The following SPINDOC variants were observed in gnomAD, a reference collection of about 807,000 sequenced individuals.
SPINDOC encodes the protein spindlin interactor and repressor of chromatin binding.
Under a neutral mutation model 30.7 loss-of-function variants are expected in SPINDOC, and 13 were observed. The ratio of observed to expected loss-of-function variants is 0.42; its 90% CI spans 0.28 to 0.67. The LOEUF is 0.67. Among genes scored for constraint, SPINDOC ranks in the 30% least tolerant of loss-of-function variants. The pLI, the probability that SPINDOC is intolerant of heterozygous loss-of-function variation, is 0.22. For missense variants in SPINDOC, 438 were observed against 518.0 expected, an observed-to-expected ratio of 0.85 and a Z score of 1.50; for synonymous variants, 228 against 211.4, an observed-to-expected ratio of 1.08 and a Z score of -0.68.
Position 63,813,589 on chromosome 11 carries a change from C to T in SPINDOC, c.-98C>T, listed in dbSNP as rs2015252922. On this transcript the variant is annotated 5_prime_UTR_variant, in exon 1 of 6. Coordinates refer to ENST00000294244, the MANE Select transcript of SPINDOC (RefSeq NM_138471.3). ...GGCTGCGCGGGGCGGGCGGCGGGCC[C>T]GGCGCTATTCCGGCCAGGAGGCGGG... 7.1e-6 allele frequency: 8 copies of T among 1,119,580 alleles called. No individual in the cohort carries two copies. Among genetic ancestry groups the T allele is most frequent in the Non-Finnish European group, 8.9e-6 (8 of 897,030 alleles). The allele number at this position is 1,119,580 out of a possible 1,614,324, so 69.4% of individuals were successfully genotyped here. A position where few individuals can be genotyped will look rare whatever the true frequency, so the allele number is the denominator to read the frequency against.
Position 63,814,340 on chromosome 11 carries a change from C to T in SPINDOC, c.127+527C>T, listed in dbSNP as rs1400478134. Among the ~76,000 whole-genome samples, 3 of 152,292 alleles carry T rather than the reference C, an allele frequency of 2.0e-5. No homozygotes were observed. The East Asian group carries it at 5.8e-4, about 29-fold the overall frequency. On this transcript the variant is annotated intron_variant, in intron 1 of 5. Transcript: ENST00000294244. ...CCCACCACCCCGCTTCATTCCCATT[C>T]CCGGGCCTTCCACTTGCAGGAGCCA...
At chr11:63,814,795 C>T (rs2135131587) in intron 1 of SPINDOC, among the ~76,000 whole-genome samples, 1 of 152,228 alleles carries the variant, frequency 6.6e-6, no homozygotes, top group Non-Finnish European at 1.5e-5. Flanking sequence ...GCATTTAGTC[C>T]AAAAGATAGG....
At chr11:63,819,960 G>A (rs538297629) in intron 5 of SPINDOC, among the ~76,000 whole-genome samples, 2 of 152,314 alleles carry the variant, frequency 1.3e-5, no homozygotes, top group South Asian at 4.1e-4. Context: ...GGCCCAGATG[G>A]GGCCACTCAG....
chr11:63,819,369 C>G (rs2015446708), intron 5 of SPINDOC, among the ~76,000 whole-genome samples: 1 of 151,968 alleles, frequency 6.6e-6, no homozygotes, highest in African/African-American at 2.4e-5. Context: ...CGCCACCATA[C>G]CCGGCTAATT....
intron 5 of SPINDOC, among the ~76,000 whole-genome samples, chr11:63,824,057 G>A (rs762537691): frequency 4.0e-5 from 6 of 151,840 alleles, no homozygotes; most frequent in South Asian, 2.1e-4. Context: ...ACAGGCGTGC[G>A]CCACCACGCC....
Position 63,818,070 on chromosome 11 carries a change from C to A in SPINDOC, c.393C>A (p.Ala131=). 4 of 1,614,168 alleles carry A rather than the reference C, an allele frequency of 2.5e-6. No homozygotes were observed. The highest frequency in any genetic ancestry group is 3.4e-6 in the Non-Finnish European group (4 of 1,180,036). Residue 131 remains alanine (A), a synonymous_variant, in exon 2 of 6, where the codon GCC becomes GCA. Transcript: ENST00000294244. The surrounding 1 kb of genome is among the most constrained non-coding windows in gnomAD (Gnocchi z 5.3). ...CTGAGAAGAGCAATATCCTGGAGGC[C>A]TGGAGTGAAGGGGTGGCCCTCTTGC... is the stretch of plus-strand genomic sequence containing the variant. ...SPSEKSNILE[A]WSEGVALLQD...
rs2015677821 is a variant in SPINDOC at position 63,827,269 on chromosome 11, G to T, written c.*130G>T. 6.9e-7 allele frequency: 1 copy of T among 1,444,908 alleles called. No individual in the cohort carries two copies. 89.5% of individuals were successfully genotyped at this position (1,444,908 alleles called of 1,614,324 possible). Reference sequence around the variant, plus strand: ...GGTGCCAGGGCAGGAGGGGGCTGGGGCAGCATCCACTGTTATTTCGGGGCA... The same window carrying T: ...GGTGCCAGGGCAGGAGGGGGCTGGGTCAGCATCCACTGTTATTTCGGGGCA... On this transcript the variant is annotated 3_prime_UTR_variant, in exon 6 of 6. Transcript: ENST00000294244.
chr11:63,819,081 A>C, intron 5 of SPINDOC, 79 bp downstream of exon 5: 1 of 457,630 alleles, frequency 2.2e-6, no homozygotes, highest in Non-Finnish European at 3.7e-6. Context: ...AGGCTGCTCT[A>C]TGGCAGAGCC....
At position 63,813,529 on chromosome 11, in the gene SPINDOC, CCGGCCGGCGAG is replaced by C. The variant is rs1244742692; in HGVS notation, c.-153_-143del. 33 of 539,136 alleles carry C rather than the reference CCGGCCGGCGAG, an allele frequency of 6.1e-5. No homozygotes were observed. The South Asian group carries it at 2.1e-3, about 35-fold the overall frequency. 33.4% of individuals were successfully genotyped at this position (539,136 alleles called of 1,614,324 possible). A position where few individuals can be genotyped will look rare whatever the true frequency, so the allele number is the denominator to read the frequency against. On this transcript the variant is annotated 5_prime_UTR_variant, in exon 1 of 6. Coordinates refer to ENST00000294244, the MANE Select transcript of SPINDOC (RefSeq NM_138471.3). Reference sequence around the variant, plus strand: ...AGGCCCGGACGCGCCGGTCGCAGGCCCGGCCGGCGAGCGGCGGGCGGGCGGCGGGGAGGGGG... The same window carrying C: ...AGGCCCGGACGCGCCGGTCGCAGGCCCGGCGGGCGGGCGGCGGGGAGGGGG...
intron 1 of SPINDOC, among the ~76,000 whole-genome samples, chr11:63,815,118 G>T (rs2015304340): frequency 6.6e-6 from 1 of 152,204 alleles, no homozygotes; most frequent in Non-Finnish European, 1.5e-5. Context: ...ATGGTTCAGA[G>T]ATCACTAAAG....
In SPINDOC at chr11:63,818,559, C is replaced by T. The variant is rs2015415314; in HGVS notation, c.640C>T (p.Pro214Ser). Residue 214 changes from proline (P) to serine (S), a missense_variant, in exon 4 of 6, where the codon CCC becomes TCC. Coordinates refer to ENST00000294244, the MANE Select transcript of SPINDOC (RefSeq NM_138471.3). The surrounding 1 kb of genome is among the most constrained non-coding windows in gnomAD (Gnocchi z 5.3). ...TGCCACAGAGCCAGGAAATAAGAAG[C>T]CCCGTGGTCAGAGATGGAAGGAACC... The part of the protein sequence containing the change: ...VPATEPGNKK[P>S]RGQRWKEPPG... 2 of 1,613,180 alleles carry T rather than the reference C, an allele frequency of 1.2e-6. No individual in the cohort carries two copies. The highest frequency in any genetic ancestry group is 1.7e-6 in the Non-Finnish European group (2 of 1,180,024).
intron 1 of SPINDOC, among the ~76,000 whole-genome samples, chr11:63,814,687 G>T (rs1474893724): frequency 6.6e-6 from 1 of 152,182 alleles, no homozygotes; most frequent in African/African-American, 2.4e-5. Flanking sequence ...AACTTCAGCC[G>T]AACAGAATGA....
At chr11:63,813,862 C>T in intron 1 of SPINDOC, 49 bp downstream of exon 1, 1 of 1,451,216 alleles carries the variant, frequency 6.9e-7, no homozygotes, top group African/African-American at 1.5e-5. Flanking sequence ...GGGGCCGGGG[C>T]TGGGGCCGTC....
chr11:63,816,198 C>T (rs1344752738), intron 1 of SPINDOC, among the ~76,000 whole-genome samples: 1 of 151,986 alleles, frequency 6.6e-6, no homozygotes, highest in East Asian at 1.9e-4. Flanking sequence ...GGGAGATGGT[C>T]TTCAGCAACA....
intron 1 of SPINDOC, among the ~76,000 whole-genome samples, chr11:63,816,341 A>G (rs1042741924): frequency 1.3e-5 from 2 of 152,180 alleles, no homozygotes; most frequent in African/African-American, 2.4e-5. Flanking sequence ...GAAAATCAAG[A>G]TGGAAGAGGT....
Position 63,820,271 on chromosome 11 carries a change from G to A in SPINDOC, c.934+1269G>A, listed in dbSNP as rs570573380. Among the ~76,000 whole-genome samples the A allele has an allele frequency of 1.1e-4, 17 of 150,194 alleles. No homozygotes were observed. The East Asian group carries it at 2.7e-3, about 24-fold the overall frequency. On this transcript the variant is annotated intron_variant, in intron 5 of 5. Transcript: ENST00000294244. ...AAATTAGCCAGGTGTGGTGGCAGGC[G>A]CCTGTAATCCCAGCTACTTGGGAGG... is the stretch of plus-strand genomic sequence containing the variant.
chr11:63,817,736 G>A, intron 1 of SPINDOC, 69 bp from the exon 2 acceptor site: 1 of 1,359,838 alleles, frequency 7.4e-7, no homozygotes, highest in Non-Finnish European at 1.0e-6. Context: ...CACTGAGTCT[G>A]GAGACGTGCT....
Position 63,827,229 on chromosome 11 carries a change from G to A in SPINDOC, c.*90G>A. The A allele has an allele frequency of 6.5e-7, 1 of 1,538,780 alleles. No homozygotes were observed. The highest frequency in any genetic ancestry group is 8.7e-7 in the Non-Finnish European group (1 of 1,142,894). On this transcript the variant is annotated 3_prime_UTR_variant, in exon 6 of 6. Transcript: ENST00000294244. ...AGCTGCCTGGCTCACCCACCTGGTG[G>A]AGAGAGTAGAAACAGGTGCCAGGGC...
In SPINDOC at chr11:63,813,725, C is replaced by T; in HGVS notation, c.39C>T (p.Phe13=). The change falls in exon 1 of 6, where the codon TTC becomes TTT. Residue 13 remains phenylalanine (F), a synonymous_variant. Transcript: ENST00000294244. ...LKAEGAALDC[F]EVTLKCEEGE... Reference sequence around the variant, plus strand: ...CCGAGGGCGCCGCACTCGACTGCTTCGAGGTGACGCTGAAATGCGAGGAAG... The same window carrying T: ...CCGAGGGCGCCGCACTCGACTGCTTTGAGGTGACGCTGAAATGCGAGGAAG... The T allele has an allele frequency of 6.3e-7, 1 of 1,595,012 alleles. No individual in the cohort carries two copies. The highest frequency in any genetic ancestry group is 8.5e-7 in the Non-Finnish European group (1 of 1,172,724).
Sources: allele counts gnomAD v4.1 joint callset (sites outside exome capture counted in the v4.1 genomes callset), GRCh38; gene constraint gnomAD v4.1.1; non-coding constraint Gnocchi (gnomAD v3.1); transcripts MANE v1.5; gene names NCBI Gene and HGNC (gene_info 2026-07-23, HGNC 2026-07-21).